RIMS2: variants seen among roughly 807,000 people sequenced by gnomAD.
RIMS2 encodes the protein regulating synaptic membrane exocytosis protein 2.
In RIMS2, 59 loss-of-function variants were observed where a neutral mutation model predicts 174.4. The observed-to-expected ratio is 0.34, with a 90% CI of 0.27 to 0.42. The LOEUF (loss-of-function observed/expected upper bound fraction) is 0.42, where lower values mean the gene tolerates loss of function less well. Ranked by LOEUF, RIMS2 falls within the 10% of genes least tolerant of loss-of-function variation. The probability of loss-of-function intolerance (pLI) is 1.00; values close to 1 mark genes in which losing one functional copy is unlikely to be tolerated. For synonymous variants in RIMS2, 606 were observed against 572.5 expected (o/e 1.06, Z -0.84); for missense variants, 1,620 against 1,666.3 (o/e 0.97, Z 0.48).
At chr8:103,671,445 T>C (rs2096743058) in intron 1 of RIMS2, among the ~76,000 whole-genome samples, 1 of 152,214 alleles carries the variant, frequency 6.6e-6, no homozygotes, top group Admixed American at 6.5e-5. Context: ...GGATTAGCAG[T>C]TTTATAAATC....
chr8:103,671,756 A>G (rs944348197), intron 1 of RIMS2, among the ~76,000 whole-genome samples: 7 of 152,244 alleles, frequency 4.6e-5, no homozygotes, highest in Non-Finnish European at 1.0e-4. Flanking sequence ...AACTATAGTT[A>G]TGACTGATTT....
intron 19 of RIMS2, among the ~76,000 whole-genome samples, chr8:104,138,426 T>G (rs2098539460): frequency 6.6e-6 from 1 of 152,156 alleles, no homozygotes; most frequent in African/African-American, 2.4e-5. Flanking sequence ...TTGCACATTC[T>G]CGCCAGCATT....
chr8:103,894,171 C>G (rs920118532), intron 4 of RIMS2, among the ~76,000 whole-genome samples: 1 of 146,332 alleles, frequency 6.8e-6, no homozygotes, highest in African/African-American at 2.5e-5. Context: ...TTAAGAGAAA[C>G]TTATACTGTG....
intron 1 of RIMS2, among the ~76,000 whole-genome samples, chr8:103,643,432 T>G (rs1200538892): frequency 1.3e-5 from 2 of 152,138 alleles, no homozygotes; most frequent in African/African-American, 4.8e-5. Flanking sequence ...TTCAGACTTT[T>G]TTCTTGCCAC....
intron 1 of RIMS2, among the ~76,000 whole-genome samples, chr8:103,594,043 C>G (rs76944152): frequency 0.012 from 1,765 of 151,472 alleles, 34 homozygotes; most frequent in African/African-American, 0.039. Flanking sequence ...AATTGACTTA[C>G]CTACTAAAAT....
rs138035724 is a variant in RIMS2 at position 104,087,425 on chromosome 8, A to G, written c.3334+72810A>G. Among the ~76,000 whole-genome samples the G allele has an allele frequency of 8.2e-3, 1,250 of 152,198 alleles. 6 individuals are homozygous for G. The highest frequency in any genetic ancestry group is 0.037 in the Middle Eastern group (11 of 294). ...TGGACAAGGGAGAAGTACACATAAT[A>G]CCACATGATAAAACTGTAATAAAGG... On this transcript the variant is annotated intron_variant, in intron 19 of 23. Transcript: ENST00000504942.
chr8:103,501,313 C>T (rs1819699724), intron 1 of RIMS2: 3 of 247,464 alleles, frequency 1.2e-5, no homozygotes, highest in South Asian at 3.5e-4. Context: ...GTGTGATTTT[C>T]CTTGGCGCCT....
chr8:103,828,802 C>G (rs1030066944), intron 3 of RIMS2, among the ~76,000 whole-genome samples: 2 of 152,072 alleles, frequency 1.3e-5, no homozygotes, highest in South Asian at 2.1e-4. Context: ...GTTATATCAG[C>G]ATTATTTATT....
chr8:103,600,649 A>T (rs1024998898), intron 1 of RIMS2, among the ~76,000 whole-genome samples: 7 of 152,218 alleles, frequency 4.6e-5, no homozygotes, highest in Non-Finnish European at 1.5e-5. Flanking sequence ...CAGTGCTACA[A>T]CAAACATAGG....
At chr8:103,944,748 A>G (rs972698225) in intron 14 of RIMS2, among the ~76,000 whole-genome samples, 3 of 152,194 alleles carry the variant, frequency 2.0e-5, no homozygotes, top group Admixed American at 1.3e-4. Context: ...GGGTAATATA[A>G]TGGCTGCATG....
intron 19 of RIMS2, among the ~76,000 whole-genome samples, chr8:104,057,158 T>C (rs2096884340): frequency 6.6e-6 from 1 of 151,428 alleles, no homozygotes; most frequent in Non-Finnish European, 1.5e-5. Context: ...CTTCAACCTC[T>C]TGAGCTCAAG....
At chr8:103,673,501 A>G (rs191131187) in intron 1 of RIMS2, among the ~76,000 whole-genome samples, 1 of 152,170 alleles carries the variant, frequency 6.6e-6, no homozygotes, top group African/African-American at 2.4e-5. Context: ...TCTTAATACT[A>G]TGTGGAAGCT....
chr8:104,080,428 T>G (rs1470912692), intron 19 of RIMS2, among the ~76,000 whole-genome samples: 4 of 152,070 alleles, frequency 2.6e-5, no homozygotes, highest in Admixed American at 2.0e-4. Flanking sequence ...AGTAGTCTGA[T>G]CAGTGTAAGG....
At chr8:103,847,920 T>C (rs543948944) in intron 3 of RIMS2, among the ~76,000 whole-genome samples, 9 of 152,098 alleles carry the variant, frequency 5.9e-5, no homozygotes, top group Non-Finnish European at 1.0e-4. Context: ...CCAGCAGATA[T>C]CTCAGGATGA....
At chr8:103,722,021 T>C (rs533684049) in intron 2 of RIMS2, among the ~76,000 whole-genome samples, 2 of 152,152 alleles carry the variant, frequency 1.3e-5, no homozygotes, top group Admixed American at 6.5e-5. Flanking sequence ...ATGAAGATAT[T>C]GAATTTGGAG....
intron 1 of RIMS2, among the ~76,000 whole-genome samples, chr8:103,526,065 A>G (rs920809728): frequency 3.3e-5 from 5 of 152,312 alleles, no homozygotes; most frequent in African/African-American, 1.2e-4. Context: ...CAAGAGGCTG[A>G]GAAGCTAAGA....
chr8:103,695,813 C>T (rs545146256), intron 1 of RIMS2, among the ~76,000 whole-genome samples: 2 of 151,796 alleles, frequency 1.3e-5, no homozygotes, highest in Non-Finnish European at 2.9e-5. Flanking sequence ...CAAGAGTAAT[C>T]TTCTCTAATT....
At chr8:103,827,168 G>A (rs1277955797) in intron 3 of RIMS2, among the ~76,000 whole-genome samples, 3 of 152,198 alleles carry the variant, frequency 2.0e-5, no homozygotes, top group Non-Finnish European at 2.9e-5. Context: ...ATAGTTTTTA[G>A]AGTAGAGATC....
Position 104,220,586 on chromosome 8 carries a change from A to ATTTAT in RIMS2, c.3335-24306_3335-24302dup, listed in dbSNP as rs146296994. ...AAAGTTTTCCATGCATCCCCAGCCA[A>ATTTAT]TTTATTTTATTTTATTTTATTTTAT... is the stretch of plus-strand genomic sequence containing the variant. On this transcript the variant is annotated intron_variant, in intron 19 of 23. Coordinates refer to ENST00000504942, the Ensembl canonical transcript of RIMS2. 4.6e-3 allele frequency among the ~76,000 whole-genome samples: 702 copies of ATTTAT among 151,970 alleles called. 8 individuals carry two copies. The highest frequency in any genetic ancestry group is 0.015 in the African/African-American group (620 of 41,422).
Sources: allele counts gnomAD v4.1 joint callset (sites outside exome capture counted in the v4.1 genomes callset), GRCh38; gene constraint gnomAD v4.1.1; transcripts MANE v1.5; gene names NCBI Gene and HGNC (gene_info 2026-07-23, HGNC 2026-07-21).